The following LRFN1 variants were observed in gnomAD, a reference collection of about 807,000 sequenced individuals.
LRFN1 encodes leucine rich repeat and fibronectin type III domain containing 1.
Under a neutral mutation model 31.8 loss-of-function variants are expected in LRFN1, and 20 were observed. The ratio of observed to expected loss-of-function variants is 0.63; its 90% CI spans 0.44 to 0.91. The LOEUF is 0.91. Ranked by LOEUF, LRFN1 falls within the 40% of genes least tolerant of loss-of-function variation. The pLI is 0.00. For missense variants in LRFN1, 912 were observed against 1,129.8 expected, an observed-to-expected ratio of 0.81 and a Z score of 2.76; for synonymous variants, 514 against 541.3, an observed-to-expected ratio of 0.95 and a Z score of 0.70.
chr19:39,314,810 G>A lies in LRFN1; in HGVS notation c.527C>T (p.Ala176Val), dbSNP rs773766573. Residue 176 changes from alanine to valine, a missense_variant, in exon 4 of 5, where the codon GCC becomes GTC. Around this residue, in one of 2 missense-constraint regions of LRFN1, gnomAD observed 401 missense variants for 572.7 expected, o/e 0.70. Coordinates refer to ENST00000248668, the MANE Select transcript of LRFN1 (RefSeq NM_020862.2). ...CTGGCCCACCGCCTCCCACGGCAGGGCCTCCAGGTTGTTGTAGGACAGATC... is the reference window on the plus strand; with the variant it reads ...CTGGCCCACCGCCTCCCACGGCAGGACCTCCAGGTTGTTGTAGGACAGATC... Reference protein sequence around the residue: ...DLDLSYNNLEALPWEAVGQMV... With the variant: ...DLDLSYNNLEVLPWEAVGQMV... The A allele has an allele frequency of 2.4e-5, 38 of 1,613,030 alleles. No individual in the cohort carries two copies. Among genetic ancestry groups the A allele is most frequent in the Non-Finnish European group, 1.4e-5 (16 of 1,179,550 alleles).
At position 39,307,571 on chromosome 19, in the gene LRFN1, A is replaced by T; in HGVS notation, c.*62T>A. ...CTGCGCTTTCTCCCAGTCCCGCCCC[A>T]GCGTCCGTGCGGCTGGGCGTTTGGT... On this transcript the variant is annotated 3_prime_UTR_variant, in exon 5 of 5. Transcript: ENST00000248668. This position sits in a 1 kb window ranked among gnomAD's most constrained non-coding sequence, Gnocchi z 6.7. The T allele has an allele frequency of 3.7e-6, 5 of 1,343,122 alleles. No individual in the cohort carries two copies. The South Asian group carries it at 7.3e-5, about 20-fold the overall frequency. The allele number at this position is 1,343,122 out of a possible 1,614,324, so 83.2% of individuals were successfully genotyped here. A position where few individuals can be genotyped will look rare whatever the true frequency, so the allele number is the denominator to read the frequency against.
intron 2 of LRFN1, among the ~76,000 whole-genome samples, chr19:39,316,469 A>T (rs1175265011): frequency 1.3e-5 from 2 of 152,168 alleles, no homozygotes; most frequent in Non-Finnish European, 2.9e-5. Context: ...TTCATGTACC[A>T]CCGACCATGC....
rs2075133487 is a variant in LRFN1 at position 39,307,597 on chromosome 19, C to T, written c.*36G>A. The T allele has an allele frequency of 1.5e-6, 2 of 1,376,008 alleles. No individual in the cohort carries two copies. The highest frequency in any genetic ancestry group is 1.9e-6 in the Non-Finnish European group (2 of 1,072,110). The allele number at this position is 1,376,008 out of a possible 1,614,324, so 85.2% of individuals were successfully genotyped here. A position where few individuals can be genotyped will look rare whatever the true frequency, so the allele number is the denominator to read the frequency against. ...GCGTCCGTGCGGCTGGGCGTTTGGTCTGCGGCACCCAGGCGTCCCGGCGCC... is the reference window on the plus strand; with the variant it reads ...GCGTCCGTGCGGCTGGGCGTTTGGTTTGCGGCACCCAGGCGTCCCGGCGCC... On this transcript the variant is annotated 3_prime_UTR_variant, in exon 5 of 5. Coordinates refer to ENST00000248668, the MANE Select transcript of LRFN1 (RefSeq NM_020862.2). This position sits in a 1 kb window ranked among gnomAD's most constrained non-coding sequence, Gnocchi z 6.7.
chr19:39,316,009 T>C (rs892823432), intron 3 of LRFN1, 73 bp downstream of exon 3: 1 of 152,118 alleles, frequency 6.6e-6, no homozygotes, highest in Non-Finnish European at 1.5e-5. Context: ...AAAAAATCAC[T>C]GTTAACTATG....
intron 4 of LRFN1, among the ~76,000 whole-genome samples, chr19:39,309,586 C>T (rs2075144046): frequency 6.6e-6 from 1 of 151,004 alleles, no homozygotes. Flanking sequence ...ACAGGCCATT[C>T]CCCAACCAAA....
intron 4 of LRFN1, among the ~76,000 whole-genome samples, chr19:39,309,247 G>C (rs2075142002): frequency 6.6e-6 from 1 of 152,070 alleles, no homozygotes; most frequent in Non-Finnish European, 1.5e-5. Flanking sequence ...CCTGAGGTTA[G>C]GAGTTCAAGA....
intron 4 of LRFN1, among the ~76,000 whole-genome samples, chr19:39,311,287 G>A (rs2075149705): frequency 1.3e-5 from 2 of 152,164 alleles, no homozygotes; most frequent in African/African-American, 4.8e-5. Context: ...TTGGAGAACT[G>A]GAACTGGGGC....
At chr19:39,320,711 ACTCGCACG>A (rs1348483307) in intron 1 of LRFN1, 74 bp downstream of exon 1, 1 of 145,216 alleles carries the variant, frequency 6.9e-6, no homozygotes, top group African/African-American at 2.6e-5. Flanking sequence ...ACGGACACAC[ACTCGCACG>A]CTCGCACGCT....
chr19:39,317,405 G>C (rs2075175371), intron 2 of LRFN1, among the ~76,000 whole-genome samples: 1 of 152,152 alleles, frequency 6.6e-6, no homozygotes, highest in Non-Finnish European at 1.5e-5. Flanking sequence ...GGCCTAGAAA[G>C]GGGGACTCCA....
In LRFN1 at chr19:39,311,716, T is replaced by C. The variant is rs189512328; in HGVS notation, c.1406+2215A>G. Reference sequence around the variant, plus strand: ...TGAAGGTTTGTGTTTTGTTCATTTGTTTGTCCTCATGTTTGTAAGGCTGGG... The same window carrying C: ...TGAAGGTTTGTGTTTTGTTCATTTGCTTGTCCTCATGTTTGTAAGGCTGGG... On this transcript the variant is annotated intron_variant, in intron 4 of 4. Transcript: ENST00000248668. Among the ~76,000 whole-genome samples, 4 of 152,224 alleles carry C rather than the reference T, an allele frequency of 2.6e-5. No homozygotes were observed. The East Asian group carries it at 7.7e-4, about 29-fold the overall frequency.
chr19:39,312,088 T>G (rs2075152609), intron 4 of LRFN1, among the ~76,000 whole-genome samples: 2 of 152,082 alleles, frequency 1.3e-5, no homozygotes, highest in African/African-American at 4.8e-5. Flanking sequence ...CAGGCTGGTC[T>G]TGAACTCCTG....
chr19:39,314,803 C>G lies in LRFN1; in HGVS notation c.534G>C (p.Pro178=), dbSNP rs763700642. 68 of 1,613,004 alleles carry G rather than the reference C, an allele frequency of 4.2e-5. No individual in the cohort carries two copies. Among genetic ancestry groups the G allele is most frequent in the Non-Finnish European group, 5.7e-5 (67 of 1,179,536 alleles). The part of the protein sequence containing the change: ...DLSYNNLEAL[P]WEAVGQMVNL... ...TCACCATCTGGCCCACCGCCTCCCACGGCAGGGCCTCCAGGTTGTTGTAGG... is the reference window on the plus strand; with the variant it reads ...TCACCATCTGGCCCACCGCCTCCCAGGGCAGGGCCTCCAGGTTGTTGTAGG... The change falls in exon 4 of 5, where the codon CCG becomes CCC. Residue 178 remains proline (P), a synonymous_variant. Transcript: ENST00000248668.
Position 39,307,981 on chromosome 19 carries a change from C to A in LRFN1, c.1968G>T (p.Glu656Asp). ...CCCGAGACTCCTCCCCGGAAGTTTC[C>A]TCGGATGGCAGCAGGCACAGCGAGG... ...SATSLCLLPSEETSGEESRAA... is the reference protein window; with the variant it reads ...SATSLCLLPSDETSGEESRAA... Residue 656 changes from glutamate (E) to aspartate (D), a missense_variant, in exon 5 of 5, where the codon GAG (glutamate) becomes GAT (aspartate). Coordinates refer to ENST00000248668, the MANE Select transcript of LRFN1 (RefSeq NM_020862.2). The surrounding 1 kb of genome is among the most constrained non-coding windows in gnomAD (Gnocchi z 6.7). The A allele has an allele frequency of 6.3e-7, 1 of 1,580,198 alleles. No homozygotes were observed. Among genetic ancestry groups the A allele is most frequent in the Non-Finnish European group, 8.5e-7 (1 of 1,170,666 alleles).
rs1311724284 is a variant in LRFN1, at chr19:39,314,636, G to A, written c.701C>T (p.Ser234Leu). 17 of 1,610,936 alleles carry A rather than the reference G, an allele frequency of 1.1e-5. No homozygotes were observed. The highest frequency in any genetic ancestry group is 1.3e-5 in the Non-Finnish European group (15 of 1,178,592). ...KLPPDGLFLR[S>L]QGTGPKPPTP... is the part of the protein sequence containing the mutation. ...GGGCGGCTTGGGCCCGGTGCCCTGC[G>A]ACCTCAGGAAGAGCCCGTCGGGCGG... Residue 234 changes from serine to leucine, a missense_variant, in exon 4 of 5, where the codon TCG becomes TTG. Physicochemically the swap from Ser to Leu is moderately radical, Grantham distance 145. Around this residue, in one of 2 missense-constraint regions of LRFN1, gnomAD observed 401 missense variants for 572.7 expected, o/e 0.70. Transcript: ENST00000248668.
chr19:39,308,562 C>T lies in LRFN1; in HGVS notation c.1407-20G>A. ...ATCATCCTGTAGGAGGGGGCGGGTT[C>T]AGGGCGGGGTTAGTCCCCCCGAACC... On this transcript the variant is annotated intron_variant, in intron 4 of 4. Transcript: ENST00000248668. The surrounding 1 kb of genome is among the most constrained non-coding windows in gnomAD (Gnocchi z 6.2). The T allele has an allele frequency of 6.5e-7, 1 of 1,549,086 alleles. No homozygotes were observed. The highest frequency in any genetic ancestry group is 8.7e-7 in the Non-Finnish European group (1 of 1,147,962).
Position 39,308,170 on chromosome 19 carries a change from C to CGCGCCTGTGCCT in LRFN1, c.1767_1778dup (p.Gly590_Ala593dup), listed in dbSNP as rs760498025. On this transcript the variant is annotated inframe_insertion, in exon 5 of 5. Coordinates refer to ENST00000248668, the MANE Select transcript of LRFN1 (RefSeq NM_020862.2). This position sits in a 1 kb window ranked among gnomAD's most constrained non-coding sequence, Gnocchi z 6.2. ...GGGCCGGCAGGGCCGGGGCCTGTGC[C>CGCGCCTGTGCCT]GCGCCTGTGCCTGCGCCGTTGGTCT... is the stretch of plus-strand genomic sequence containing the variant. 1 of 1,575,206 alleles carries CGCGCCTGTGCCT rather than the reference C, an allele frequency of 6.3e-7. No individual in the cohort carries two copies. Among genetic ancestry groups the CGCGCCTGTGCCT allele is most frequent in the Non-Finnish European group, 8.6e-7 (1 of 1,160,048 alleles).
intron 1 of LRFN1, among the ~76,000 whole-genome samples, chr19:39,319,555 A>G (rs902310069): frequency 4.6e-5 from 7 of 152,184 alleles, no homozygotes; most frequent in Non-Finnish European, 8.8e-5. Flanking sequence ...TTCACTCATA[A>G]CAGACACATG....
Position 39,314,179 on chromosome 19 carries a change from G to A in LRFN1, c.1158C>T (p.Cys386=), listed in dbSNP as rs373650789. The A allele has an allele frequency of 7.5e-5, 121 of 1,613,012 alleles. No homozygotes were observed. The highest frequency in any genetic ancestry group is 2.5e-4 in the African/African-American group (19 of 74,904). Residue 386 remains cysteine (C), a synonymous_variant, in exon 4 of 5, where the codon TGC becomes TGT. Transcript: ENST00000248668. Reference sequence around the variant, plus strand: ...GTGCCATCAGAGGCAGAGGTACCACGCACACCTCCACGGGCGCCGTCGCTT... The same window carrying A: ...GTGCCATCAGAGGCAGAGGTACCACACACACCTCCACGGGCGCCGTCGCTT... ...AGEATAPVEV[C]VVPLPLMAPP...
Position 39,307,390 on chromosome 19 carries a change from A to AGGGG in LRFN1, c.*239_*242dup. On this transcript the variant is annotated 3_prime_UTR_variant, in exon 5 of 5. Transcript: ENST00000248668. This position sits in a 1 kb window ranked among gnomAD's most constrained non-coding sequence, Gnocchi z 6.7. Reference sequence around the variant, plus strand: ...GCGAGCGCGCGAGGGGAGGGGTAGGAGGGGGGTCGAGGAGTCCATAGGGGA... The same window carrying AGGGG: ...GCGAGCGCGCGAGGGGAGGGGTAGGAGGGGGGGGGGTCGAGGAGTCCATAGGGGA... The AGGGG allele has an allele frequency of 2.4e-6, 1 of 411,860 alleles. No homozygotes were observed. The highest frequency in any genetic ancestry group is 2.1e-5 in the African/African-American group (1 of 48,450). 25.5% of individuals were successfully genotyped at this position (411,860 alleles called of 1,614,324 possible). A position where few individuals can be genotyped will look rare whatever the true frequency, so the allele number is the denominator to read the frequency against.
Sources: gnomAD v4.1 joint callset for allele counts (sites outside exome capture counted in the v4.1 genomes callset) on GRCh38, gnomAD v4.1.1 for gene constraint, gnomAD v4.1.1 regional missense constraint, Gnocchi (gnomAD v3.1) non-coding constraint, MANE v1.5 for transcripts, NCBI Gene and HGNC (gene_info 2026-07-23, HGNC 2026-07-21) for gene names.